The following TYMP variants were observed in gnomAD, a reference collection of about 807,000 sequenced individuals.
TYMP encodes the protein gliostatin.
TYMP carries 46 observed loss-of-function variants against 42.3 expected under a neutral mutation model. The observed-to-expected ratio is 1.09, with a 90% CI of 0.86 to 1.39. The LOEUF (loss-of-function observed/expected upper bound fraction) is 1.39, where lower values mean the gene tolerates loss of function less well. TYMP is among the 40% of genes most tolerant of loss of function. The pLI is 0.00. For synonymous variants in TYMP, 363 were observed against 308.0 expected (o/e 1.18, Z -1.87); for missense variants, 837 against 677.6 (o/e 1.24, Z -2.61).
intron 6 of TYMP, among the ~76,000 whole-genome samples, 197 bp from the exon 7 acceptor site, chr22:50,526,935 G>A (rs1280498396): frequency 6.6e-6 from 1 of 152,262 alleles, no homozygotes; most frequent in Admixed American, 6.5e-5. Flanking sequence ...ACTTGGTCTG[G>A]GGCAGGAACG....
At chr22:50,528,982 G>T (rs1397225512) in intron 3 of TYMP, 154 bp downstream of exon 3, 2 of 771,754 alleles carry the variant, frequency 2.6e-6, no homozygotes, top group Non-Finnish European at 4.3e-6. Context: ...GGGGAACGGG[G>T]TGGGGAGAAC....
rs758004872 is a variant in TYMP, at chr22:50,526,288, G to A, written c.1117C>T (p.Pro373Ser). ...GSPAERRQLL[P>S]RAREQEELLA... The stretch of plus-strand genomic sequence containing the variant: ...AGCTCCTCCTGCTCCCGGGCGCGAG[G>A]CAGCAGCTGCCGGCGTTCTGCGGGA... Residue 373 changes from proline (P) to serine (S), a missense_variant, in exon 8 of 10, where the codon CCT becomes TCT. Pro to Ser is a moderately conservative substitution (Grantham distance 74). Coordinates refer to ENST00000252029, the MANE Select transcript of TYMP (RefSeq NM_001953.5). 13 of 1,551,374 alleles carry A rather than the reference G, an allele frequency of 8.4e-6. No individual in the cohort carries two copies. In the South Asian group the frequency reaches 1.5e-4, roughly 18 times the overall value.
chr22:50,528,028 C>T, intron 4 of TYMP: 1 of 411,594 alleles, frequency 2.4e-6, no homozygotes, highest in Non-Finnish European at 4.5e-6. Context: ...TCCCAGAGTG[C>T]TGGGACAGGG....
intron 3 of TYMP, 36 bp from the exon 4 acceptor site, chr22:50,528,646 C>T (rs1302145336): frequency 2.0e-6 from 3 of 1,509,450 alleles, no homozygotes; most frequent in East Asian, 2.3e-5. Context: ...CTGCACAGTA[C>T]CCCTCCCCCA....
In TYMP at chr22:50,526,259, C is replaced by A. The variant is rs774451989; in HGVS notation, c.1146G>T (p.Leu382=). The A allele has an allele frequency of 6.5e-7, 1 of 1,537,258 alleles. No homozygotes were observed. Among genetic ancestry groups the A allele is most frequent in the Non-Finnish European group, 8.7e-7 (1 of 1,152,220 alleles). Residue 382 remains leucine (L), a synonymous_variant, in exon 8 of 10, where the codon CTG becomes CTT. Coordinates refer to ENST00000252029, the MANE Select transcript of TYMP (RefSeq NM_001953.5). ...LPRAREQEEL[L]APADGTVELV... ...CCCGACGCTCACCATCTGCGGGCGC[C>A]AGCAGCTCCTCCTGCTCCCGGGCGC... is the stretch of plus-strand genomic sequence containing the variant.
In TYMP at chr22:50,529,935, C is replaced by A; in HGVS notation, c.-42G>T. The A allele has an allele frequency of 1.7e-6, 1 of 593,330 alleles. No homozygotes were observed. Among genetic ancestry groups the A allele is most frequent in the East Asian group, 2.8e-5 (1 of 35,396 alleles). 36.8% of individuals were successfully genotyped at this position (593,330 alleles called of 1,614,324 possible). A position where few individuals can be genotyped will look rare whatever the true frequency, so the allele number is the denominator to read the frequency against. ...AGGGCGCTGCCCTCGCCCGCTTGCTCCGGATCCCAGCCCAGGTACCCGGCC... is the reference window on the plus strand; with the variant it reads ...AGGGCGCTGCCCTCGCCCGCTTGCTACGGATCCCAGCCCAGGTACCCGGCC... On this transcript the variant is annotated 5_prime_UTR_variant, in exon 1 of 10. Transcript: ENST00000252029.
In TYMP at chr22:50,529,131, C is replaced by T. The variant is rs377757055; in HGVS notation, c.417+5G>A. ...CTCCCGTCTGGAAAGGAGGTGGTTT[C>T]TAACCTTGCAGCCACATGCCGCCAG... On this transcript the variant is annotated splice_donor_5th_base_variant and intron_variant, in intron 3 of 9. Coordinates refer to ENST00000252029, the MANE Select transcript of TYMP (RefSeq NM_001953.5). 1.2e-6 allele frequency: 2 copies of T among 1,612,900 alleles called. No individual in the cohort carries two copies. Among genetic ancestry groups the T allele is most frequent in the African/African-American group, 2.7e-5 (2 of 74,910 alleles).
Position 50,529,169 on chromosome 22 carries a change from G to C in TYMP, c.384C>G (p.Val128=). ...CACATGCCGCCAGGGCAGGTGCGAG[G>C]ACCAGGCTGACCTTGTCACCCACAC... The part of the protein sequence containing the change: ...TGGVGDKVSL[V]LAPALAACGC... The change falls in exon 3 of 10, where the codon GTC becomes GTG. Residue 128 remains valine, a synonymous_variant. Coordinates refer to ENST00000252029, the MANE Select transcript of TYMP (RefSeq NM_001953.5). 1 of 1,613,264 alleles carries C rather than the reference G, an allele frequency of 6.2e-7. No homozygotes were observed.
chr22:50,526,369 T>G lies in TYMP; in HGVS notation c.1036A>C (p.Met346Leu), dbSNP rs971962978. The change falls in exon 8 of 10, where the codon ATG becomes CTG. Residue 346 changes from methionine (M) to leucine (L), a missense_variant. Transcript: ENST00000252029. The part of the protein sequence containing the change: ...DGSALGRFER[M>L]LAAQGVDPGL... Reference sequence around the variant, plus strand: ...GGATCCACGCCCTGCGCCGCCAGCATCCGCTCGAAGCGGCCAAGGGCCGAG... The same window carrying G: ...GGATCCACGCCCTGCGCCGCCAGCAGCCGCTCGAAGCGGCCAAGGGCCGAG... 4 of 1,542,230 alleles carry G rather than the reference T, an allele frequency of 2.6e-6. No individual in the cohort carries two copies. Among genetic ancestry groups the G allele is most frequent in the Non-Finnish European group, 3.5e-6 (4 of 1,155,620 alleles).
At position 50,526,603 on chromosome 22, in the gene TYMP, C is replaced by A; in HGVS notation, c.901G>T (p.Asp301Tyr). The A allele has an allele frequency of 6.3e-7, 1 of 1,580,030 alleles. No homozygotes were observed. The highest frequency in any genetic ancestry group is 8.6e-7 in the Non-Finnish European group (1 of 1,164,318). ...LLCMDGAGPP[D>Y]LRDLVTTLGG... is the part of the protein sequence containing the mutation. ...AGCGTGGTGACCAGGTCCCTTAAGT[C>A]TGGCGGGCCTGCGCCGTCCATGCAG... is the stretch of plus-strand genomic sequence containing the variant. Residue 301 changes from aspartate to tyrosine, a missense_variant, in exon 7 of 10, where the codon GAC (aspartate) becomes TAC (tyrosine). Transcript: ENST00000252029.
At position 50,526,141 on chromosome 22, in the gene TYMP, C is replaced by A; in HGVS notation, c.1160G>T (p.Gly387Val). 1.3e-6 allele frequency: 2 copies of A among 1,484,006 alleles called. No homozygotes were observed. The highest frequency in any genetic ancestry group is 2.8e-5 in the East Asian group (1 of 35,802). 91.9% of individuals were successfully genotyped at this position (1,484,006 alleles called of 1,614,324 possible). A position where few individuals can be genotyped will look rare whatever the true frequency, so the allele number is the denominator to read the frequency against. The change falls in exon 9 of 10, where the codon GGC becomes GTC. Residue 387 changes from glycine to valine, a missense_variant and splice_region_variant. By Grantham distance (109) the Gly-to-Val change is moderately radical. Coordinates refer to ENST00000252029, the MANE Select transcript of TYMP (RefSeq NM_001953.5). Reference protein sequence around the residue: ...EQEELLAPADGTVELVRALPL... With the variant: ...EQEELLAPADVTVELVRALPL... ...CAGCGCCCGGACCAGCTCCACGGTG[C>A]CTGCGGGGAGAGGGGCTGAGAGGCG...
rs947533590 is a variant in TYMP at position 50,527,068 on chromosome 22, G to T, written c.765+97C>A. ...AGAGGGTGGGACTGGGGTTAGGCAGGACTGCTGAGTGGAGGGAGGCAGTGG... is the reference window on the plus strand; with the variant it reads ...AGAGGGTGGGACTGGGGTTAGGCAGTACTGCTGAGTGGAGGGAGGCAGTGG... On this transcript the variant is annotated intron_variant, in intron 6 of 9. Coordinates refer to ENST00000252029, the MANE Select transcript of TYMP (RefSeq NM_001953.5). The T allele has an allele frequency of 7.0e-6, 7 of 998,976 alleles. No homozygotes were observed. In the African/African-American group the frequency reaches 1.1e-4, roughly 16 times the overall value. The allele number at this position is 998,976 out of a possible 1,614,324, so 61.9% of individuals were successfully genotyped here. A position where few individuals can be genotyped will look rare whatever the true frequency, so the allele number is the denominator to read the frequency against.
intron 5 of TYMP, 52 bp from the exon 6 acceptor site, chr22:50,527,335 G>C (rs748836793): frequency 6.8e-7 from 1 of 1,481,034 alleles, no homozygotes; most frequent in Non-Finnish European, 9.4e-7. Context: ...GGAGCTTCTT[G>C]GGAGAGTTCG....
intron 4 of TYMP, 184 bp from the exon 5 acceptor site, chr22:50,527,901 A>T: frequency 1.5e-6 from 1 of 670,116 alleles, no homozygotes; most frequent in Non-Finnish European, 2.5e-6. Context: ...TCAGCTTCCC[A>T]GTAGCTGGGA....
At position 50,526,699 on chromosome 22, in the gene TYMP, C is replaced by G; in HGVS notation, c.805G>C (p.Ala269Pro). ...AGGGGCTTGTCCATGGCGGTCAGCG[C>G]TGCCGCGACCCGAAGCCCTAGGCTG... is the stretch of plus-strand genomic sequence containing the variant. ...GASLGLRVAA[A>P]LTAMDKPLGR... is the part of the protein sequence containing the mutation. The change falls in exon 7 of 10, where the codon GCG becomes CCG. Residue 269 changes from alanine to proline, a missense_variant. Ala to Pro is a conservative substitution (Grantham distance 27). Transcript: ENST00000252029. 6.5e-7 allele frequency: 1 copy of G among 1,541,876 alleles called. No homozygotes were observed. The highest frequency in any genetic ancestry group is 1.4e-5 in the African/African-American group (1 of 73,304).
In TYMP at chr22:50,529,234, C is replaced by G. The variant is rs564457801; in HGVS notation, c.319G>C (p.Ala107Pro). 2.5e-6 allele frequency: 4 copies of G among 1,613,286 alleles called. No homozygotes were observed. The Admixed American group carries it at 6.7e-5, about 27-fold the overall frequency. Reference sequence around the variant, plus strand: ...TTGTCCACAAGCTGCTGGCGCCAGGCCTCTGGCCACTCCAGCTGCTGTCCC... The same window carrying G: ...TTGTCCACAAGCTGCTGGCGCCAGGGCTCTGGCCACTCCAGCTGCTGTCCC... ...QSGQQLEWPE[A>P]WRQQLVDKHS... Residue 107 changes from alanine to proline, a missense_variant, in exon 3 of 10, where the codon GCC becomes CCC. Coordinates refer to ENST00000252029, the MANE Select transcript of TYMP (RefSeq NM_001953.5).
At chr22:50,526,895 C>G (rs2069409660) in intron 6 of TYMP, among the ~76,000 whole-genome samples, 157 bp from the exon 7 acceptor site, 1 of 152,274 alleles carries the variant, frequency 6.6e-6, no homozygotes, top group Non-Finnish European at 1.5e-5. Context: ...TGAAGTGCGA[C>G]ACCTCGCCAT....
At chr22:50,528,236 T>C in intron 4 of TYMP, 1 of 503,848 alleles carries the variant, frequency 2.0e-6, no homozygotes, top group East Asian at 3.8e-5. Flanking sequence ...AACTCCTGGG[T>C]TCAAGGGATC....
rs756647111 is a variant in TYMP, at chr22:50,526,407, G to T, written c.998C>A (p.Ala333Glu). The T allele has an allele frequency of 3.5e-5, 53 of 1,515,452 alleles. No homozygotes were observed. The highest frequency in any genetic ancestry group is 2.6e-6 in the Non-Finnish European group (3 of 1,141,636). 93.9% of individuals were successfully genotyped at this position (1,515,452 alleles called of 1,614,324 possible). ...GCCAAGGGCCGAGCCGTCGTCCAGCGCCGCGGCCACCCGGGCAGCGCCCTG... is the reference window on the plus strand; with the variant it reads ...GCCAAGGGCCGAGCCGTCGTCCAGCTCCGCGGCCACCCGGGCAGCGCCCTG... Reference protein sequence around the residue: ...QAQGAARVAAALDDGSALGRF... With the variant: ...QAQGAARVAAELDDGSALGRF... The change falls in exon 8 of 10, where the codon GCG becomes GAG. Residue 333 changes from alanine to glutamate, a missense_variant. Transcript: ENST00000252029.
Sources: gnomAD v4.1 joint callset for allele counts (sites outside exome capture counted in the v4.1 genomes callset) on GRCh38, gnomAD v4.1.1 for gene constraint, MANE v1.5 for transcripts, NCBI Gene and HGNC (gene_info 2026-07-23, HGNC 2026-07-21) for gene names.